Variants in MYH11 observed in about 807,000 individuals in gnomAD.
The protein encoded by MYH11 is myosin heavy chain 11, also known as myosin-11.
A neutral mutation model predicts 246.6 loss-of-function variants in MYH11; 80 were observed. That is an observed-to-expected ratio of 0.32 (90% CI 0.27 to 0.39). MYH11 has a LOEUF of 0.39. Ranked by LOEUF, MYH11 falls within the 10% of genes least tolerant of loss-of-function variation. The probability of loss-of-function intolerance (pLI) is 1.00; values close to 1 mark genes in which losing one functional copy is unlikely to be tolerated. For missense variants in MYH11, 2,158 were observed against 2,546.8 expected (o/e 0.85, Z 3.29); for synonymous variants, 1,071 against 1,015.5 (o/e 1.05, Z -1.04).
chr16:15,786,088 G>A, intron 5 of MYH11: 1 of 261,708 alleles, frequency 3.8e-6, no homozygotes, highest in East Asian at 9.4e-5. Context: ...AGGAATCCGG[G>A]AACCCAAAAG....
rs2041538012 is a variant in MYH11 at position 15,750,462 on chromosome 16, G to C, written c.1865-131C>G. 1.1e-6 allele frequency: 1 copy of C among 883,890 alleles called. No homozygotes were observed. Among genetic ancestry groups the C allele is most frequent in the East Asian group, 2.7e-5 (1 of 37,634 alleles). 54.8% of individuals were successfully genotyped at this position (883,890 alleles called of 1,614,324 possible). On this transcript the variant is annotated intron_variant, in intron 15 of 40. Coordinates refer to ENST00000300036, the MANE Select transcript of MYH11 (RefSeq NM_002474.3). This position sits in a 1 kb window ranked among gnomAD's most constrained non-coding sequence, Gnocchi z 4.3. ...CCTTCCATCACCAACGCCTCCTTCG[G>C]CAGTCAGGGTTTCCAAGTATTGTCT...
At chr16:15,733,273 G>T (rs1001955569) in intron 26 of MYH11, among the ~76,000 whole-genome samples, 3 of 152,206 alleles carry the variant, frequency 2.0e-5, no homozygotes, top group Non-Finnish European at 4.4e-5. Flanking sequence ...CACTCCTGTT[G>T]CCCAGGCTGG....
intron 3 of MYH11, among the ~76,000 whole-genome samples, chr16:15,817,055 G>C (rs988339776): frequency 6.6e-6 from 1 of 152,130 alleles, no homozygotes; most frequent in Non-Finnish European, 1.5e-5. Context: ...ATACCTATTT[G>C]CTTATACTTG....
At chr16:15,724,526 A>G (rs1327724526) in intron 30 of MYH11, 117 bp from the exon 31 acceptor site, 2 of 1,606,774 alleles carry the variant, frequency 1.2e-6, no homozygotes, top group African/African-American at 2.7e-5. Flanking sequence ...ACCCAATAGC[A>G]GGGGAAGCTG....
intron 40 of MYH11, among the ~76,000 whole-genome samples, chr16:15,705,134 G>T (rs1347777934): frequency 6.6e-6 from 1 of 152,138 alleles, no homozygotes; most frequent in African/African-American, 2.4e-5. Context: ...CGTGCACACT[G>T]CCACGCCTGG....
At chr16:15,782,638 G>A (rs928019193) in intron 5 of MYH11, 161 bp from the exon 6 acceptor site, 1 of 637,904 alleles carries the variant, frequency 1.6e-6, no homozygotes, top group South Asian at 1.8e-5. Flanking sequence ...TTTACAGGAG[G>A]ATTTCAGAAG....
intron 31 of MYH11, 68 bp from the exon 32 acceptor site, chr16:15,721,702 C>A (rs968946577): frequency 5.9e-6 from 9 of 1,531,044 alleles, no homozygotes; most frequent in African/African-American, 1.4e-5. Context: ...TTGTAAATAC[C>A]GGGGGAAGCC....
chr16:15,728,259 T>C (rs2040857702), intron 27 of MYH11, among the ~76,000 whole-genome samples: 2 of 152,124 alleles, frequency 1.3e-5, no homozygotes, highest in Non-Finnish European at 2.9e-5. Context: ...ACATTCTATG[T>C]GGTGACTGTG....
intron 20 of MYH11, among the ~76,000 whole-genome samples, chr16:15,744,169 C>T (rs2041352876): frequency 6.6e-6 from 1 of 151,176 alleles, no homozygotes; most frequent in East Asian, 1.9e-4. Context: ...TCTGGATGCT[C>T]TCTAATTCCA....
intron 31 of MYH11, 149 bp downstream of exon 31, chr16:15,724,012 C>G: frequency 7.2e-7 from 1 of 1,386,524 alleles, no homozygotes; most frequent in South Asian, 1.2e-5. Context: ...TCCATGGTCG[C>G]CCAAGACAAG....
At chr16:15,783,405 C>T (rs532622536) in intron 5 of MYH11, 2 of 152,338 alleles carry the variant, frequency 1.3e-5, no homozygotes, top group Admixed American at 1.3e-4. Flanking sequence ...ATGGGCATGG[C>T]TTCCTCCTCA....
intron 3 of MYH11, among the ~76,000 whole-genome samples, chr16:15,814,143 A>C: frequency 1.1e-5 from 1 of 91,338 alleles, no homozygotes; most frequent in Non-Finnish European, 2.2e-5. Context: ...CATCCCCCAA[A>C]AAAAAACAAA....
chr16:15,766,361 G>A (rs2041981772), intron 9 of MYH11, among the ~76,000 whole-genome samples: 1 of 139,472 alleles, frequency 7.2e-6, no homozygotes, highest in Admixed American at 7.1e-5. Flanking sequence ...GTGTGTGTGT[G>A]TGTGTGTGTG....
intron 2 of MYH11, among the ~76,000 whole-genome samples, chr16:15,827,407 G>T (rs933278756): frequency 3.3e-5 from 5 of 152,216 alleles, no homozygotes; most frequent in African/African-American, 1.2e-4. Context: ...AGGACACGGG[G>T]TCCGTGGGGG....
chr16:15,787,092 G>A (rs1159987095), intron 4 of MYH11, among the ~76,000 whole-genome samples: 1 of 151,110 alleles, frequency 6.6e-6, no homozygotes. Context: ...GCAACACAGA[G>A]AGACACTGCC....
At chr16:15,785,922 A>G (rs2042457632) in intron 5 of MYH11, 1 of 167,630 alleles carries the variant, frequency 6.0e-6, no homozygotes, top group Non-Finnish European at 1.3e-5. Context: ...AGAGAAGAGA[A>G]TAACAGCATC....
intron 26 of MYH11, among the ~76,000 whole-genome samples, chr16:15,734,739 A>T (rs553937039): frequency 6.6e-6 from 1 of 152,180 alleles, no homozygotes; most frequent in Non-Finnish European, 1.5e-5. Flanking sequence ...TGTTTTTTCC[A>T]ATTTGTAAAA....
intron 22 of MYH11, chr16:15,741,111 C>A: frequency 2.4e-6 from 1 of 408,738 alleles, no homozygotes; most frequent in Non-Finnish European, 4.6e-6. Flanking sequence ...AACCACTCAC[C>A]TAAGCCACTC....
At position 15,727,033 on chromosome 16, in the gene MYH11, T is replaced by G. The variant is rs1035637500; in HGVS notation, c.3673A>C (p.Asn1225His). ...FKRAKANLDK[N>H]KQTLEKENAD... ...TTCTCTTTCTCCAGCGTCTGCTTAT[T>G]CTTGTCTAGGTTCGCCTTGGCCTGG... Residue 1225 changes from asparagine to histidine, a missense_variant, in exon 28 of 41, where the codon AAT becomes CAT. Asn to His is a moderately conservative substitution (Grantham distance 68, BLOSUM62 1). This residue lies in a region of MYH11 where 1,013 missense variants were observed against 993.5 expected (regional missense o/e 1.02). Transcript: ENST00000300036. The G allele has an allele frequency of 6.2e-7, 1 of 1,611,876 alleles. No homozygotes were observed. Among genetic ancestry groups the G allele is most frequent in the Admixed American group, 1.7e-5 (1 of 59,830 alleles).
Sources: gnomAD v4.1 joint callset for allele counts (sites outside exome capture counted in the v4.1 genomes callset) on GRCh38, gnomAD v4.1.1 for gene constraint, gnomAD v4.1.1 regional missense constraint, Gnocchi (gnomAD v3.1) non-coding constraint, MANE v1.5 for transcripts, NCBI Gene and HGNC (gene_info 2026-07-23, HGNC 2026-07-21) for gene names.